Variants in PRSS23 observed in about 807,000 individuals in gnomAD.
The protein encoded by PRSS23 is serine protease 23, also known as protease, serine 23.
A neutral mutation model predicts 34.7 loss-of-function variants in PRSS23; 25 were observed. That is an observed-to-expected ratio of 0.72 (90% CI 0.53 to 1.01). The LOEUF is 1.01. Ranked by LOEUF, PRSS23 falls within the 50% of genes least tolerant of loss-of-function variation. The probability of loss-of-function intolerance (pLI) is 0.00; values close to 1 mark genes in which losing one functional copy is unlikely to be tolerated. For missense variants in PRSS23, 445 were observed against 475.6 expected (o/e 0.94, Z 0.60); for synonymous variants, 176 against 186.6 (o/e 0.94, Z 0.46).
Position 86,808,534 on chromosome 11 carries a change from C to A in PRSS23, c.891C>A (p.Val297=), listed in dbSNP as rs1353097175. ...ATTTGGTGTATCGCTTCTGTGACGT[C>A]AAAGACGAGACCTATGACTTGCTCT... is the stretch of plus-strand genomic sequence containing the variant. ...PGNLVYRFCD[V]KDETYDLLYQ... The change falls in exon 2 of 2, where the codon GTC becomes GTA. Residue 297 remains valine (V), a synonymous_variant. Transcript: ENST00000280258. 8 of 1,614,092 alleles carry A rather than the reference C, an allele frequency of 5.0e-6. No homozygotes were observed. The highest frequency in any genetic ancestry group is 6.8e-6 in the Non-Finnish European group (8 of 1,180,056).
intron 2 of PRSS23, among the ~76,000 whole-genome samples, chr11:86,898,153 T>C (rs1948888759): frequency 6.6e-6 from 1 of 152,196 alleles, no homozygotes; most frequent in African/African-American, 2.4e-5. Flanking sequence ...AGGGCAGATA[T>C]TTCATTTCGA....
chr11:86,902,447 C>G (rs1590921191), intron 2 of PRSS23, among the ~76,000 whole-genome samples: 2 of 152,304 alleles, frequency 1.3e-5, no homozygotes, highest in Admixed American at 6.5e-5. Context: ...AGGGTCCTCA[C>G]CCAAGCTTCG....
intron 1 of PRSS23, among the ~76,000 whole-genome samples, chr11:86,816,432 C>T (rs1948215697): frequency 6.6e-6 from 1 of 152,202 alleles, no homozygotes; most frequent in Admixed American, 6.5e-5. Context: ...ATCTTGGCCT[C>T]AGTACAATGG....
At chr11:86,896,362 A>C (rs1300099440) in intron 2 of PRSS23, 1 of 151,932 alleles carries the variant, frequency 6.6e-6, no homozygotes, top group Non-Finnish European at 1.5e-5. Flanking sequence ...CCTTTGTAAA[A>C]AAAAAAAAAC....
At chr11:86,945,834 A>G (rs1949238019) in intron 2 of PRSS23, 3 of 152,544 alleles carry the variant, frequency 2.0e-5, no homozygotes, top group Admixed American at 2.0e-4. Context: ...AAATTTAGCA[A>G]TTCATTCAGG....
intron 2 of PRSS23, among the ~76,000 whole-genome samples, chr11:86,903,578 G>A (rs892884792): frequency 2.0e-5 from 3 of 151,062 alleles, no homozygotes; most frequent in Non-Finnish European, 4.4e-5. Flanking sequence ...CACCTCCTGG[G>A]TTCATGCCAT....
At chr11:86,919,506 G>T (rs1386355557) in intron 2 of PRSS23, among the ~76,000 whole-genome samples, 1 of 151,982 alleles carries the variant, frequency 6.6e-6, no homozygotes, top group Non-Finnish European at 1.5e-5. Flanking sequence ...GAAAGCCATT[G>T]TCTTGAGTGA....
At chr11:86,844,916 C>A (rs555200374) in intron 2 of PRSS23, among the ~76,000 whole-genome samples, 1 of 152,180 alleles carries the variant, frequency 6.6e-6, no homozygotes, top group South Asian at 2.1e-4. Context: ...ATGGAGAAAC[C>A]CCATCTCTAT....
At position 86,825,069 on chromosome 11, in the gene PRSS23, T is replaced by G. The variant is rs538320591; in HGVS notation, c.206+1476T>G. ...GGAATCGCCACACTGTCTTCCACAA[T>G]GGTTGAACTAGTTTACAGTCCCACC... On this transcript the variant is annotated intron_variant, in intron 2 of 2. Transcript: ENST00000533902. Among the ~76,000 whole-genome samples the G allele has an allele frequency of 4.7e-4, 71 of 152,192 alleles. No homozygotes were observed. The East Asian group carries it at 8.3e-3, about 18-fold the overall frequency.
At chr11:86,805,892 T>C (rs562964254) in intron 1 of PRSS23, among the ~76,000 whole-genome samples, 12 of 152,226 alleles carry the variant, frequency 7.9e-5, no homozygotes, top group Non-Finnish European at 1.6e-4. Flanking sequence ...CTTCCTAACT[T>C]CTGCTGTGTT....
At chr11:86,916,003 C>T (rs183789614) in intron 2 of PRSS23, among the ~76,000 whole-genome samples, 25 of 151,882 alleles carry the variant, frequency 1.6e-4, no homozygotes, top group East Asian at 5.8e-4. Context: ...TACAGTGAGC[C>T]GAGATCACAC....
chr11:86,867,287 C>G (rs1948655632), intron 2 of PRSS23, among the ~76,000 whole-genome samples: 1 of 152,216 alleles, frequency 6.6e-6, no homozygotes. Context: ...AGCTGGCTCT[C>G]AAAACTATTC....
chr11:86,952,211 T>C, exon 3 of PRSS23: 1 of 1,613,828 alleles, frequency 6.2e-7, no homozygotes, highest in East Asian at 2.2e-5. Flanking sequence ...TCCCACAGAG[T>C]GACACTCTTC....
At chr11:86,849,632 C>A (rs1347184551) in intron 2 of PRSS23, among the ~76,000 whole-genome samples, 4 of 152,158 alleles carry the variant, frequency 2.6e-5, no homozygotes, top group African/African-American at 9.7e-5. Flanking sequence ...ATGTAGCAGT[C>A]CTTGCAACAC....
chr11:86,841,947 C>G (rs926641378), intron 2 of PRSS23, among the ~76,000 whole-genome samples: 3 of 152,300 alleles, frequency 2.0e-5, no homozygotes, highest in South Asian at 4.1e-4. Flanking sequence ...CCAGGATCAT[C>G]CTGATACCAA....
chr11:86,909,643 G>A (rs937364471), intron 2 of PRSS23: 2 of 152,324 alleles, frequency 1.3e-5, no homozygotes, highest in African/African-American at 4.8e-5. Flanking sequence ...CACCTGCCAT[G>A]TGGGGAAAGA....
intron 2 of PRSS23, among the ~76,000 whole-genome samples, chr11:86,880,460 T>G (rs58837519): frequency 5.3e-5 from 8 of 150,482 alleles, no homozygotes; most frequent in African/African-American, 2.0e-4. Context: ...ATAAAAAAAA[T>G]AAAAAGATAA....
chr11:86,952,335 C>G lies in PRSS23; in HGVS notation c.*1050C>G, dbSNP rs371704478. On this transcript the variant is annotated 3_prime_UTR_variant, in exon 3 of 3. Transcript: ENST00000533902. ...GGGAATTTGCTGCAGTTCAGACTCTCTGGCCAGGCAAATCCAAATTCCTTC... is the reference window on the plus strand; with the variant it reads ...GGGAATTTGCTGCAGTTCAGACTCTGTGGCCAGGCAAATCCAAATTCCTTC... 13 of 1,614,112 alleles carry G rather than the reference C, an allele frequency of 8.1e-6. No homozygotes were observed. The African/African-American group carries it at 1.3e-4, about 17-fold the overall frequency.
chr11:86,833,939 C>T (rs370336832), intron 2 of PRSS23, among the ~76,000 whole-genome samples: 3 of 152,094 alleles, frequency 2.0e-5, no homozygotes, highest in African/African-American at 7.2e-5. Context: ...GGGGTGCCTT[C>T]GATGTCATTA....
Sources: allele counts gnomAD v4.1 joint callset (sites outside exome capture counted in the v4.1 genomes callset), GRCh38; gene constraint gnomAD v4.1.1; transcripts MANE v1.5; gene names NCBI Gene and HGNC (gene_info 2026-07-23, HGNC 2026-07-21).